DTNA: variants seen among roughly 807,000 people sequenced by gnomAD.
DTNA encodes the protein dystrobrevin alpha, also known as dystrophin-related protein 3.
A neutral mutation model predicts 100.7 loss-of-function variants in DTNA; 43 were observed. That is an observed-to-expected ratio of 0.43 (90% confidence interval 0.33 to 0.55). The LOEUF (loss-of-function observed/expected upper bound fraction) is 0.55, where lower values mean the gene tolerates loss of function less well. Ranked by LOEUF, DTNA falls within the 20% of genes least tolerant of loss-of-function variation. The probability of loss-of-function intolerance (pLI) is 0.04; values close to 1 mark genes in which losing one functional copy is unlikely to be tolerated. For missense variants in DTNA, 798 were observed against 953.9 expected, an observed-to-expected ratio of 0.84 and a Z score of 2.15; for synonymous variants, 349 against 347.9, an observed-to-expected ratio of 1.00 and a Z score of -0.04.
At chr18:34,499,159 C>T (rs2144536232) in intron 1 of DTNA, among the ~76,000 whole-genome samples, 1 of 152,330 alleles carries the variant, frequency 6.6e-6, no homozygotes, top group African/African-American at 2.4e-5. Flanking sequence ...ACCCCTTAAT[C>T]CCTTGCAATC....
At chr18:34,737,135 T>TG (rs1471858743) in intron 1 of DTNA, among the ~76,000 whole-genome samples, 2 of 152,180 alleles carry the variant, frequency 1.3e-5, no homozygotes, top group African/African-American at 4.8e-5. Flanking sequence ...ATTAATAATT[T>TG]GGGGCTTAAC....
chr18:34,868,500 TTC>T, intron 17 of DTNA: 45 of 985,444 alleles, frequency 4.6e-5, no homozygotes, highest in Non-Finnish European at 5.4e-5. Flanking sequence ...TGCTTCTAAA[TTC>T]TGTTTTTATT....
intron 1 of DTNA, among the ~76,000 whole-genome samples, chr18:34,509,644 C>G (rs2439860): frequency 0.62 from 94,573 of 151,984 alleles, 30,506 homozygotes; most frequent in East Asian, 0.91. Flanking sequence ...ATTTTCAAAA[C>G]AGGAAAACAT....
intron 3 of DTNA, among the ~76,000 whole-genome samples, chr18:34,793,544 A>G (rs1325665285): frequency 6.6e-6 from 1 of 152,216 alleles, no homozygotes; most frequent in African/African-American, 2.4e-5. Flanking sequence ...AAACACATAA[A>G]TAAATGAAAA....
intron 1 of DTNA, among the ~76,000 whole-genome samples, chr18:34,615,639 G>C (rs893039108): frequency 6.6e-6 from 1 of 152,132 alleles, no homozygotes; most frequent in African/African-American, 2.4e-5. Flanking sequence ...ACGGGGGTTT[G>C]TTGTACAGAT....
intron 1 of DTNA, among the ~76,000 whole-genome samples, chr18:34,740,033 G>C (rs544531248): frequency 2.0e-5 from 3 of 152,098 alleles, no homozygotes; most frequent in African/African-American, 7.2e-5. Context: ...AGCTGGAAGG[G>C]AGCATCTCTG....
chr18:34,567,711 T>G (rs902895162), intron 1 of DTNA, among the ~76,000 whole-genome samples: 4 of 152,214 alleles, frequency 2.6e-5, no homozygotes, highest in Non-Finnish European at 5.9e-5. Context: ...ACTGCTATTT[T>G]GACATCAAAT....
At chr18:34,767,416 G>A (rs1054514292) in intron 3 of DTNA, 2 of 152,192 alleles carry the variant, frequency 1.3e-5, no homozygotes, top group African/African-American at 2.4e-5. Context: ...TAAAAATGGG[G>A]CTGAAGTTTG....
At chr18:34,813,096 C>T (rs992970336) in intron 6 of DTNA, among the ~76,000 whole-genome samples, 5 of 152,132 alleles carry the variant, frequency 3.3e-5, no homozygotes, top group African/African-American at 4.8e-5. Flanking sequence ...CATTCTCCAG[C>T]GTAGCCCAGT....
At chr18:34,850,553 G>T (rs2096461169) in intron 14 of DTNA, among the ~76,000 whole-genome samples, 1 of 152,168 alleles carries the variant, frequency 6.6e-6, no homozygotes, top group Admixed American at 6.5e-5. Context: ...CTACAGTTAG[G>T]TTTATGGACA....
At chr18:34,877,958 G>T (rs1267505637) in intron 19 of DTNA, 150 bp downstream of exon 19, 3 of 794,852 alleles carry the variant, frequency 3.8e-6, no homozygotes, top group African/African-American at 3.6e-5. Flanking sequence ...AGATTTGAGG[G>T]GTTTTTTTTT....
At chr18:34,811,329 TCTTCA>T (rs2095481352) in intron 5 of DTNA, among the ~76,000 whole-genome samples, 1 of 152,190 alleles carries the variant, frequency 6.6e-6, no homozygotes, top group South Asian at 2.1e-4. Context: ...CCAGGCTTCC[TCTTCA>T]CTACACGAGT....
chr18:34,593,832 T>C (rs1179837496), intron 1 of DTNA, among the ~76,000 whole-genome samples: 1 of 152,200 alleles, frequency 6.6e-6, no homozygotes, highest in Non-Finnish European at 1.5e-5. Flanking sequence ...CTCAATAGTT[T>C]TATGTCACAA....
At chr18:34,647,177 G>A (rs1029734097) in intron 1 of DTNA, among the ~76,000 whole-genome samples, 1 of 151,988 alleles carries the variant, frequency 6.6e-6, no homozygotes, top group African/African-American at 2.4e-5. Context: ...AGCCACTTTG[G>A]CTAAGATCCT....
At chr18:34,647,757 A>G (rs555234474) in intron 1 of DTNA, among the ~76,000 whole-genome samples, 115 of 152,384 alleles carry the variant, frequency 7.5e-4, no homozygotes, top group Middle Eastern at 3.4e-3. Context: ...CATTAAGTCA[A>G]CACACAAATA....
At chr18:34,625,962 G>T (rs940330964) in intron 1 of DTNA, among the ~76,000 whole-genome samples, 2 of 152,134 alleles carry the variant, frequency 1.3e-5, no homozygotes, top group African/African-American at 4.8e-5. Context: ...TTAAGTGTAG[G>T]ATGGGGGTGC....
At chr18:34,604,654 G>A (rs183262803) in intron 1 of DTNA, among the ~76,000 whole-genome samples, 1 of 152,232 alleles carries the variant, frequency 6.6e-6, no homozygotes, top group Admixed American at 6.5e-5. Context: ...AATATCTTAT[G>A]TAGCTGTTTG....
intron 1 of DTNA, among the ~76,000 whole-genome samples, chr18:34,669,449 G>A (rs532263847): frequency 6.6e-6 from 1 of 152,294 alleles, no homozygotes; most frequent in African/African-American, 2.4e-5. Context: ...ACTGTTATGT[G>A]TGAATTTGAT....
At chr18:34,757,627 A>G (rs571357411) in intron 2 of DTNA, among the ~76,000 whole-genome samples, 8 of 152,200 alleles carry the variant, frequency 5.3e-5, no homozygotes, top group Non-Finnish European at 1.2e-4. Flanking sequence ...AGACAAATAC[A>G]TATGTTACAA....
Sources: gnomAD v4.1 joint callset for allele counts (sites outside exome capture counted in the v4.1 genomes callset) on GRCh38, gnomAD v4.1.1 for gene constraint, MANE v1.5 for transcripts, NCBI Gene and HGNC (gene_info 2026-07-23, HGNC 2026-07-21) for gene names.